Variants in CHN2 observed in about 807,000 individuals in gnomAD.
CHN2 encodes the protein beta-chimaerin.
In CHN2, 35 loss-of-function variants were observed where a neutral mutation model predicts 56.3. That is an observed-to-expected ratio of 0.62 (90% CI 0.47 to 0.82). CHN2 has a LOEUF of 0.82. Among genes scored for constraint, CHN2 ranks in the 40% least tolerant of loss-of-function variants. The probability of loss-of-function intolerance (pLI) is 0.00; values close to 1 mark genes in which losing one functional copy is unlikely to be tolerated. For synonymous variants in CHN2, 210 were observed against 212.8 expected (o/e 0.99, Z 0.12); for missense variants, 491 against 580.5 (o/e 0.85, Z 1.58).
chr7:29,439,400 A>G (rs148858148), intron 6 of CHN2, among the ~76,000 whole-genome samples: 84 of 152,294 alleles, frequency 5.5e-4, no homozygotes, highest in African/African-American at 1.9e-3. Flanking sequence ...TGACTCTGCC[A>G]TGTTCATTCT....
intron 1 of CHN2, among the ~76,000 whole-genome samples, chr7:29,308,713 C>T (rs1794356801): frequency 6.6e-6 from 1 of 152,182 alleles, no homozygotes; most frequent in African/African-American, 2.4e-5. Context: ...ATGTAGTCTT[C>T]CTGTGTGCCC....
At chr7:29,239,930 T>C (rs1411605397) in intron 1 of CHN2, among the ~76,000 whole-genome samples, 1 of 152,134 alleles carries the variant, frequency 6.6e-6, no homozygotes, top group Non-Finnish European at 1.5e-5. Flanking sequence ...GAAATCTAGA[T>C]TTTTTTAAAA....
At chr7:29,381,044 T>C (rs1800457520) in intron 3 of CHN2, among the ~76,000 whole-genome samples, 1 of 152,186 alleles carries the variant, frequency 6.6e-6, no homozygotes. Context: ...AATTGGAAGC[T>C]GGAGGAACAT....
rs145906178 is a variant in CHN2 at position 29,499,961 on chromosome 7, C to T, written c.834C>T (p.Asp278=). 1,196 of 1,610,582 alleles carry T rather than the reference C, an allele frequency of 7.4e-4. 4 individuals carry two copies. The Middle Eastern group carries it at 8.1e-3, about 11-fold the overall frequency. The change falls in exon 9 of 13, where the codon GAC becomes GAT. Residue 278 remains aspartate, a synonymous_variant. Transcript: ENST00000222792. ...LKRIKKVYCC[D]LTTLVKAHNT... is the part of the protein sequence containing the mutation. ...GGATCAAGAAAGTGTACTGTTGTGA[C>T]CTCACAACACTTGTGAAGGCTCACA...
chr7:29,242,875 T>G (rs188048611), intron 1 of CHN2, among the ~76,000 whole-genome samples: 2 of 151,332 alleles, frequency 1.3e-5, no homozygotes, highest in Non-Finnish European at 2.9e-5. Context: ...TCTTTTTATT[T>G]CATGACAACT....
Position 29,316,459 on chromosome 7 carries a change from A to G in CHN2, c.50-38166A>G, listed in dbSNP as rs1051744818. Among the ~76,000 whole-genome samples the G allele has an allele frequency of 1.2e-3, 181 of 152,310 alleles. 5 individuals carry two copies. Among genetic ancestry groups the G allele is most frequent in the Non-Finnish European group, 2.9e-4 (20 of 68,038 alleles). Reference sequence around the variant, plus strand: ...TTATAGTGCATTTTACTATAATTCCATGGTAAAAAAGCCTGATTAGAATCA... The same window carrying G: ...TTATAGTGCATTTTACTATAATTCCGTGGTAAAAAAGCCTGATTAGAATCA... On this transcript the variant is annotated intron_variant, in intron 1 of 12. Coordinates refer to ENST00000222792, the MANE Select transcript of CHN2 (RefSeq NM_004067.4).
At chr7:29,293,211 C>G (rs1296537037) in intron 1 of CHN2, among the ~76,000 whole-genome samples, 13 of 152,138 alleles carry the variant, frequency 8.5e-5, no homozygotes, top group Non-Finnish European at 1.9e-4. Flanking sequence ...ATTCACTGGT[C>G]CATTAAATCC....
chr7:29,178,780 C>T (rs189582442), intron 2 of CHN2, among the ~76,000 whole-genome samples: 1 of 152,196 alleles, frequency 6.6e-6, no homozygotes, highest in African/African-American at 2.4e-5. Flanking sequence ...TAGCCATCTG[C>T]ATTCATATGA....
At chr7:29,360,732 T>C (rs534280585) in intron 2 of CHN2, among the ~76,000 whole-genome samples, 50 of 152,280 alleles carry the variant, frequency 3.3e-4, no homozygotes, top group African/African-American at 1.1e-3. Context: ...CCTGGGTCCA[T>C]ATACCCTCCT....
Position 29,330,285 on chromosome 7 carries a change from A to G in CHN2, c.50-24340A>G, listed in dbSNP as rs16874999. 9.9e-3 allele frequency among the ~76,000 whole-genome samples: 1,509 copies of G among 152,206 alleles called. 28 individuals carry two copies. The highest frequency in any genetic ancestry group is 0.034 in the African/African-American group (1,430 of 41,512). On this transcript the variant is annotated intron_variant, in intron 1 of 12. Transcript: ENST00000222792. ...GTGGTTCGTAGTAAAGTGCTTTCCT[A>G]CTGGGCTCTGGGTGTATAAGATGAT...
At chr7:29,247,833 G>A (rs577915264) in intron 1 of CHN2, among the ~76,000 whole-genome samples, 3 of 152,300 alleles carry the variant, frequency 2.0e-5, no homozygotes, top group East Asian at 3.9e-4. Context: ...CAACAATCAT[G>A]CAACCCCCAA....
At chr7:29,253,488 G>T (rs1212662689) in intron 1 of CHN2, among the ~76,000 whole-genome samples, 2 of 152,190 alleles carry the variant, frequency 1.3e-5, no homozygotes, top group African/African-American at 2.4e-5. Flanking sequence ...TGGATTCAGT[G>T]GTGCTCTGAA....
At position 29,264,200 on chromosome 7, in the gene CHN2, G is replaced by T. The variant is rs953999927; in HGVS notation, c.49+69210G>T. 1.0e-3 allele frequency among the ~76,000 whole-genome samples: 149 copies of T among 149,602 alleles called. 1 individual carries two copies. The highest frequency in any genetic ancestry group is 1.6e-4 in the Non-Finnish European group (11 of 67,248). ...GGCCGCCCTGTCTGGGAAGTGAGGAGCCCCTCTGCCCGGCCACCACCCCGT... is the reference window on the plus strand; with the variant it reads ...GGCCGCCCTGTCTGGGAAGTGAGGATCCCCTCTGCCCGGCCACCACCCCGT... On this transcript the variant is annotated intron_variant, in intron 1 of 12. Transcript: ENST00000222792.
At chr7:29,447,137 A>G (rs1784089141) in intron 6 of CHN2, among the ~76,000 whole-genome samples, 1 of 152,220 alleles carries the variant, frequency 6.6e-6, no homozygotes, top group African/African-American at 2.4e-5. Context: ...GAAAAACATC[A>G]TCTATGAGGG....
intron 1 of CHN2, among the ~76,000 whole-genome samples, chr7:29,329,366 TC>T (rs1370628915): frequency 2.5e-5 from 2 of 78,772 alleles, no homozygotes; most frequent in Non-Finnish European, 4.4e-5. Context: ...CTTTAAACCT[TC>T]AGATAAGGCA....
chr7:29,291,389 G>A (rs1792613070), intron 1 of CHN2, among the ~76,000 whole-genome samples: 1 of 152,076 alleles, frequency 6.6e-6, no homozygotes, highest in Non-Finnish European at 1.5e-5. Flanking sequence ...GTTGGTGGTG[G>A]AGGGGTGCTC....
chr7:29,418,678 A>G (rs939088755), intron 6 of CHN2, among the ~76,000 whole-genome samples: 23 of 152,266 alleles, frequency 1.5e-4, no homozygotes, highest in African/African-American at 4.3e-4. Context: ...CCCTCTGTCC[A>G]GGGGCTAAGC....
At chr7:29,266,016 C>G (rs985464125) in intron 1 of CHN2, among the ~76,000 whole-genome samples, 12 of 152,236 alleles carry the variant, frequency 7.9e-5, no homozygotes, top group Non-Finnish European at 1.0e-4. Context: ...TAGCAAGACC[C>G]CATCTTCCCC....
intron 2 of CHN2, among the ~76,000 whole-genome samples, chr7:29,185,118 A>C (rs80353084): frequency 2.5e-4 from 38 of 152,274 alleles, no homozygotes; most frequent in African/African-American, 8.4e-4. Flanking sequence ...CTGTGGTGTG[A>C]AGTATTTCTC....
Sources: allele counts gnomAD v4.1 joint callset (sites outside exome capture counted in the v4.1 genomes callset), GRCh38; gene constraint gnomAD v4.1.1; transcripts MANE v1.5; gene names NCBI Gene and HGNC (gene_info 2026-07-23, HGNC 2026-07-21).